ADAM7: variants seen among roughly 807,000 people sequenced by gnomAD.
The protein encoded by ADAM7 is disintegrin and metalloproteinase domain-containing protein 7.
In ADAM7, 97 loss-of-function variants were observed where a neutral mutation model predicts 102.9. The observed-to-expected ratio is 0.94, with a 90% confidence interval of 0.80 to 1.12. The LOEUF is 1.12. ADAM7 is among the 50% of genes most tolerant of loss of function. The probability of loss-of-function intolerance (pLI) is 0.00; values close to 1 mark genes in which losing one functional copy is unlikely to be tolerated. For synonymous variants in ADAM7, 334 were observed against 304.4 expected, an observed-to-expected ratio of 1.10 and a Z score of -1.01; for missense variants, 991 against 908.7, an observed-to-expected ratio of 1.09 and a Z score of -1.16.
At chr8:24,504,801 A>G (rs1820895118) in intron 20 of ADAM7, among the ~76,000 whole-genome samples, 1 of 152,128 alleles carries the variant, frequency 6.6e-6, no homozygotes. Context: ...TTTAGTGGAA[A>G]TGCCTCTGAT....
intron 4 of ADAM7, among the ~76,000 whole-genome samples, chr8:24,465,451 T>C (rs1819393344): frequency 6.6e-6 from 1 of 152,204 alleles, no homozygotes; most frequent in Admixed American, 6.5e-5. Context: ...TAACAGACTA[T>C]TAAATTTGTA....
chr8:24,447,625 T>C (rs1278510706), intron 3 of ADAM7, among the ~76,000 whole-genome samples: 1 of 152,196 alleles, frequency 6.6e-6, no homozygotes, highest in Non-Finnish European at 1.5e-5. Context: ...GTAAACTAGA[T>C]ATCAAATCAA....
intron 2 of ADAM7, among the ~76,000 whole-genome samples, chr8:24,443,632 G>T (rs1191816275): frequency 1.3e-5 from 2 of 152,060 alleles, no homozygotes; most frequent in Non-Finnish European, 2.9e-5. Context: ...ACTTAATCAA[G>T]ACTGATGTTA....
intron 21 of ADAM7, among the ~76,000 whole-genome samples, chr8:24,508,115 C>T (rs1585943003): frequency 6.6e-6 from 1 of 152,020 alleles, no homozygotes; most frequent in Non-Finnish European, 1.5e-5. Flanking sequence ...TTTATTTCTG[C>T]TGAGTTTTTA....
At chr8:24,482,966 C>G (rs1820011124) in intron 9 of ADAM7, among the ~76,000 whole-genome samples, 1 of 152,078 alleles carries the variant, frequency 6.6e-6, no homozygotes, top group African/African-American at 2.4e-5. Context: ...TTCCAATATT[C>G]TTCCAAAATC....
At chr8:24,459,284 C>T (rs1217429706) in intron 3 of ADAM7, among the ~76,000 whole-genome samples, 1 of 151,692 alleles carries the variant, frequency 6.6e-6, no homozygotes, top group Non-Finnish European at 1.5e-5. Context: ...AAGTTGCCCC[C>T]TTTTTTGGCA....
At chr8:24,494,760 G>A (rs989496867) in intron 16 of ADAM7, among the ~76,000 whole-genome samples, 7 of 152,156 alleles carry the variant, frequency 4.6e-5, no homozygotes, top group Non-Finnish European at 1.0e-4. Flanking sequence ...TAGACTATGA[G>A]CTATGTGGGA....
chr8:24,462,231 A>G (rs1218550242), intron 3 of ADAM7, among the ~76,000 whole-genome samples: 1 of 152,142 alleles, frequency 6.6e-6, no homozygotes, highest in Non-Finnish European at 1.5e-5. Context: ...GGCTACTTTT[A>G]ATCTATCCTT....
chr8:24,497,697 G>A (rs1484633692), intron 16 of ADAM7, among the ~76,000 whole-genome samples: 1 of 152,082 alleles, frequency 6.6e-6, no homozygotes, highest in Non-Finnish European at 1.5e-5. Flanking sequence ...TCTGAAGAAT[G>A]TATGAAAAAA....
At chr8:24,491,399 A>G (rs1820346964) in intron 13 of ADAM7, among the ~76,000 whole-genome samples, 1 of 152,240 alleles carries the variant, frequency 6.6e-6, no homozygotes. Flanking sequence ...AAATTCATCC[A>G]GAACCCAGCG....
Position 24,493,040 on chromosome 8 carries a change from C to T in ADAM7, c.1656-3C>T. 3 of 1,567,648 alleles carry T rather than the reference C, an allele frequency of 1.9e-6. No individual in the cohort carries two copies. The East Asian group carries it at 6.9e-5, about 36-fold the overall frequency. ...AAGTTTGAATATTCTGCCTTTCCTT[C>T]AGAGATGTCAGATGTGGAAAGATCT... On this transcript the variant is annotated splice_region_variant and splice_polypyrimidine_tract_variant and intron_variant, in intron 15 of 21. Coordinates refer to ENST00000175238, the MANE Select transcript of ADAM7 (RefSeq NM_003817.4).
In ADAM7 at chr8:24,490,513, G is replaced by A. The variant is rs144099559; in HGVS notation, c.1267-286G>A. ...ACAGGGAAGCAGTATGACCCTTCAA[G>A]GAAATGGAGATAATTAGGATAACTG... On this transcript the variant is annotated intron_variant, in intron 12 of 21. Transcript: ENST00000175238. 14 of 292,338 alleles carry A rather than the reference G, an allele frequency of 4.8e-5. 1 individual carries two copies. In the Admixed American group the frequency reaches 5.6e-4, roughly 12 times the overall value. 18.1% of individuals were successfully genotyped at this position (292,338 alleles called of 1,614,324 possible).
chr8:24,465,118 A>G (rs1392659287), intron 4 of ADAM7, among the ~76,000 whole-genome samples: 2 of 152,180 alleles, frequency 1.3e-5, no homozygotes, highest in Non-Finnish European at 2.9e-5. Flanking sequence ...CTAAGTCTTC[A>G]TGCAATCTTC....
chr8:24,479,317 G>C (rs1410031251), intron 8 of ADAM7, among the ~76,000 whole-genome samples: 1 of 152,060 alleles, frequency 6.6e-6, no homozygotes, highest in African/African-American at 2.4e-5. Context: ...GAATGGTCTG[G>C]ATTCAGGACA....
intron 4 of ADAM7, 41 bp downstream of exon 4, chr8:24,464,001 G>T: frequency 1.9e-6 from 3 of 1,553,660 alleles, no homozygotes; most frequent in Non-Finnish European, 2.7e-6. Context: ...TCTAAAAGCA[G>T]TATTTCCTGA....
Position 24,493,148 on chromosome 8 carries a change from C to T in ADAM7, c.1761C>T (p.Val587=). The T allele has an allele frequency of 6.2e-7, 1 of 1,613,376 alleles. No homozygotes were observed. Among genetic ancestry groups the T allele is most frequent in the Non-Finnish European group, 8.5e-7 (1 of 1,179,650 alleles). Residue 587 remains valine (V), a synonymous_variant, in exon 16 of 22, where the codon GTC becomes GTT. Transcript: ENST00000175238. ...HLKDPQKNAT[V]KCKTIFLYHD... ...AGGATCCCCAGAAGAATGCTACTGT[C>T]AAATGCAAAACTATTTTTTTATACC...
chr8:24,465,867 T>A, intron 5 of ADAM7, 92 bp downstream of exon 5: 2 of 902,010 alleles, frequency 2.2e-6, no homozygotes, highest in Non-Finnish European at 3.2e-6. Flanking sequence ...TCACTCCTGG[T>A]ATATAGAAAA....
At chr8:24,443,870 G>T (rs1471388967) in intron 2 of ADAM7, among the ~76,000 whole-genome samples, 3 of 151,966 alleles carry the variant, frequency 2.0e-5, no homozygotes, top group African/African-American at 7.3e-5. Context: ...GGAGGCAGAG[G>T]TTGCAGTGAG....
chr8:24,482,702 T>G (rs1369848941), intron 9 of ADAM7, among the ~76,000 whole-genome samples: 1 of 152,094 alleles, frequency 6.6e-6, no homozygotes, highest in Admixed American at 6.6e-5. Flanking sequence ...TGAGCTGTGG[T>G]TGTGCCACTG....
Sources: gnomAD v4.1 joint callset for allele counts (sites outside exome capture counted in the v4.1 genomes callset) on GRCh38, gnomAD v4.1.1 for gene constraint, MANE v1.5 for transcripts, NCBI Gene and HGNC (gene_info 2026-07-23, HGNC 2026-07-21) for gene names.